Variants in SLC4A9 observed in about 807,000 individuals in gnomAD.
SLC4A9 encodes the protein anion exchange protein 4.
Under a neutral mutation model 103.2 loss-of-function variants are expected in SLC4A9, and 102 were observed. That is an observed-to-expected ratio of 0.99 (90% CI 0.84 to 1.17). The LOEUF (loss-of-function observed/expected upper bound fraction) is 1.17, where lower values mean the gene tolerates loss of function less well. SLC4A9 is among the 50% of genes most tolerant of loss of function. SLC4A9 has a pLI of 0.00. For synonymous variants in SLC4A9, 453 were observed against 483.6 expected (o/e 0.94, Z 0.83); for missense variants, 1,091 against 1,193.7 (o/e 0.91, Z 1.27).
intron 21 of SLC4A9, among the ~76,000 whole-genome samples, chr5:140,373,485 C>T (rs1487295198): frequency 1.3e-5 from 2 of 152,066 alleles, no homozygotes; most frequent in Non-Finnish European, 2.9e-5. Flanking sequence ...GGGAGCAGGG[C>T]TTCTGACCTC....
chr5:140,361,826 AG>A lies in SLC4A9; in HGVS notation c.526del (p.Ala176LeufsTer9), dbSNP rs1350853910. On this transcript the variant is annotated frameshift_variant, in exon 4 of 22. Coordinates refer to ENST00000506757, the MANE Select transcript of SLC4A9 (RefSeq NM_031467.3). LOFTEE classifies it high-confidence loss of function. ...TTTGTAGGCTCTACTCATCCAAGAA[AG>A]GCTTCTGACAATGAGGAAGCCCCCC... Reference protein sequence around the residue: ...RPCWGSTHPRKASDNEEAPLR... With the variant: ...RPCWGSTHPRXASDNEEAPLR... 47 of 1,613,884 alleles carry A rather than the reference AG, an allele frequency of 2.9e-5. No individual in the cohort carries two copies. Among genetic ancestry groups the A allele is most frequent in the African/African-American group, 6.7e-5 (5 of 74,924 alleles).
chr5:140,368,105 A>G (rs1360208945), intron 16 of SLC4A9, among the ~76,000 whole-genome samples: 1 of 152,148 alleles, frequency 6.6e-6, no homozygotes, highest in Admixed American at 6.5e-5. Context: ...GAGGGGCCTC[A>G]AGAGGATTAT....
rs749654968 is a variant in SLC4A9, at chr5:140,367,581, G to A, written c.2175G>A (p.Gln725=). The A allele has an allele frequency of 7.5e-6, 12 of 1,602,032 alleles. No individual in the cohort carries two copies. Among genetic ancestry groups the A allele is most frequent in the Non-Finnish European group, 9.4e-6 (11 of 1,174,470 alleles). Reference sequence around the variant, plus strand: ...TCAACCGCATGGAATACAGACTGCAGGTAAGGCCTGCTGGGTAAGGCCCAA... The same window carrying A: ...TCAACCGCATGGAATACAGACTGCAAGTAAGGCCTGCTGGGTAAGGCCCAA... The part of the protein sequence containing the change: ...VILNRMEYRL[Q]KGAGFHLDLF... Residue 725 remains glutamine (Q), a splice_region_variant and synonymous_variant, in exon 15 of 22, where the codon CAG becomes CAA. Transcript: ENST00000506757.
At position 140,367,466 on chromosome 5, in the gene SLC4A9, A is replaced by C. The variant is rs1285826227; in HGVS notation, c.2060A>C (p.Asn687Thr). 29 of 1,609,158 alleles carry C rather than the reference A, an allele frequency of 1.8e-5. No homozygotes were observed. Among genetic ancestry groups the C allele is most frequent in the Non-Finnish European group, 2.4e-5 (28 of 1,178,224 alleles). The change falls in exon 15 of 22, where the codon AAC becomes ACC. Residue 687 changes from asparagine (N) to threonine (T), a missense_variant. By Grantham distance (65) the Asn-to-Thr change is moderately conservative (BLOSUM62 0). Transcript: ENST00000506757. ...RGWLVSPFGA[N>T]PWWWSVAAAL... Reference sequence around the variant, plus strand: ...TGGCTGGTGTCACCTTTTGGAGCCAACCCCTGGTGGTGGAGTGTGGCAGCT... The same window carrying C: ...TGGCTGGTGTCACCTTTTGGAGCCACCCCCTGGTGGTGGAGTGTGGCAGCT...
intron 16 of SLC4A9, 23 bp downstream of exon 16, chr5:140,367,921 G>T (rs750697419): frequency 1.2e-6 from 2 of 1,612,290 alleles, no homozygotes; most frequent in Non-Finnish European, 1.7e-6. Flanking sequence ...TTTAGGAAGT[G>T]GAGTAAGAGG....
At chr5:140,369,783 CTTGAG>C (rs1768428036) in intron 17 of SLC4A9, among the ~76,000 whole-genome samples, 4 of 151,852 alleles carry the variant, frequency 2.6e-5, no homozygotes, top group Admixed American at 2.6e-4. Flanking sequence ...GGGCGGATTG[CTTGAG>C]CTCAGGAGTT....
chr5:140,363,165 G>T lies in SLC4A9; in HGVS notation c.962+99G>T. ...GGTGGTGTCCCAGGAAAGAGATAGG[G>T]ACCTATCTTTGGATTTGGAGTCAGG... On this transcript the variant is annotated intron_variant, in intron 7 of 21. Transcript: ENST00000506757. This position sits in a 1 kb window ranked among gnomAD's most constrained non-coding sequence, Gnocchi z 4.5. 3 of 1,452,482 alleles carry T rather than the reference G, an allele frequency of 2.1e-6. No homozygotes were observed. The highest frequency in any genetic ancestry group is 2.8e-6 in the Non-Finnish European group (3 of 1,076,090). The allele number at this position is 1,452,482 out of a possible 1,614,324, so 90.0% of individuals were successfully genotyped here. A position where few individuals can be genotyped will look rare whatever the true frequency, so the allele number is the denominator to read the frequency against.
Position 140,361,253 on chromosome 5 carries a change from G to A in SLC4A9, c.392-1G>A. ...GAGATGACCCCCAATCCATTCTCCA[G>A]AGCAGGTGACCAGGGTGGAGTCGCT... On this transcript the variant is annotated splice_acceptor_variant, in intron 2 of 21. Coordinates refer to ENST00000506757, the MANE Select transcript of SLC4A9 (RefSeq NM_031467.3). LOFTEE classifies it high-confidence loss of function. 2 of 1,560,800 alleles carry A rather than the reference G, an allele frequency of 1.3e-6. No homozygotes were observed. Among genetic ancestry groups the A allele is most frequent in the African/African-American group, 2.7e-5 (2 of 73,630 alleles).
Position 140,360,930 on chromosome 5 carries a change from G to T in SLC4A9, c.349G>T (p.Val117Leu), listed in dbSNP as rs1209343375. ...CCGCAGCCTGCTGGCCGAGGGCCTT[G>T]TACTGCTGGACTGCCCAGCTCAGAG... ...KLRSLLAEGLVLLDCPAQSLL... is the reference protein window; with the variant it reads ...KLRSLLAEGLLLLDCPAQSLL... Residue 117 changes from valine (V) to leucine (L), a missense_variant, in exon 2 of 22, where the codon GTA becomes TTA. Physicochemically the swap from Val to Leu is conservative, Grantham distance 32. Transcript: ENST00000506757. 1.3e-6 allele frequency: 2 copies of T among 1,599,888 alleles called. No homozygotes were observed. The highest frequency in any genetic ancestry group is 1.7e-5 in the Admixed American group (1 of 57,886).
At chr5:140,368,686 A>C in intron 17 of SLC4A9, 27 bp downstream of exon 17, 1 of 1,599,794 alleles carries the variant, frequency 6.3e-7, no homozygotes, top group East Asian at 2.2e-5. Context: ...AGCCAGGATC[A>C]GGGTCAGTGT....
chr5:140,369,294 A>C (rs1180413220), intron 17 of SLC4A9, among the ~76,000 whole-genome samples: 1 of 150,304 alleles, frequency 6.7e-6, no homozygotes, highest in African/African-American at 2.4e-5. Flanking sequence ...AAAAAAAAAC[A>C]AAAAAAAACC....
chr5:140,361,013 G>A (rs1196601817), intron 2 of SLC4A9, 41 bp downstream of exon 2: 1 of 1,499,340 alleles, frequency 6.7e-7, no homozygotes. Flanking sequence ...GGGTAGCCAT[G>A]CCTTTTCCCC....
In SLC4A9 at chr5:140,360,467, G is replaced by T. The variant is rs767213125; in HGVS notation, c.230+1G>T. ...CGCTGGAGTGGAGAGAGACAGGCAG[G>T]TAAGTTGGATGCAGGCCAGTTCTGT... is the stretch of plus-strand genomic sequence containing the variant. On this transcript the variant is annotated splice_donor_variant, in intron 1 of 21. Coordinates refer to ENST00000506757, the MANE Select transcript of SLC4A9 (RefSeq NM_031467.3). LOFTEE classifies it high-confidence loss of function. 2 of 1,568,662 alleles carry T rather than the reference G, an allele frequency of 1.3e-6. No individual in the cohort carries two copies. Among genetic ancestry groups the T allele is most frequent in the East Asian group, 2.4e-5 (1 of 42,294 alleles).
At position 140,372,710 on chromosome 5, in the gene SLC4A9, TATTCTCAATCCATCTTGGG is replaced by T. The variant is rs1768900768; in HGVS notation, c.2827-32_2827-14del. On this transcript the variant is annotated splice_polypyrimidine_tract_variant and intron_variant, in intron 20 of 21. Coordinates refer to ENST00000506757, the MANE Select transcript of SLC4A9 (RefSeq NM_031467.3). ...GTCTTTCACTATCTGTCTTTCTATC[TATTCTCAATCCATCTTGGG>T]ATCTGTCTTCCACAGTCAGAGCTGA... 6.6e-7 allele frequency: 1 copy of T among 1,520,194 alleles called. No homozygotes were observed. Among genetic ancestry groups the T allele is most frequent in the South Asian group, 1.3e-5 (1 of 78,888 alleles). The allele number at this position is 1,520,194 out of a possible 1,614,324, so 94.2% of individuals were successfully genotyped here.
intron 16 of SLC4A9, among the ~76,000 whole-genome samples, 191 bp downstream of exon 16, chr5:140,368,089 G>C (rs1437610333): frequency 2.0e-5 from 3 of 152,170 alleles, no homozygotes; most frequent in Non-Finnish European, 2.9e-5. Flanking sequence ...CAGCCATGGG[G>C]ACTGGGAGGG....
Position 140,364,429 on chromosome 5 carries a change from G to C in SLC4A9, c.1455G>C (p.Leu485=), listed in dbSNP as rs781319996. ...WVGIWVATFC[L]VLVATEASVL... ...GCATCTGGGTGGCTACCTTTTGCCTGGTGCTGGTGGCCACAGAGGCCAGTG... is the reference window on the plus strand; with the variant it reads ...GCATCTGGGTGGCTACCTTTTGCCTCGTGCTGGTGGCCACAGAGGCCAGTG... Residue 485 remains leucine (L), a synonymous_variant, in exon 11 of 22, where the codon CTG becomes CTC. Transcript: ENST00000506757. 12 of 1,613,672 alleles carry C rather than the reference G, an allele frequency of 7.4e-6. No individual in the cohort carries two copies. Among genetic ancestry groups the C allele is most frequent in the Non-Finnish European group, 9.3e-6 (11 of 1,179,778 alleles).
chr5:140,369,339 G>A (rs1437056355), intron 17 of SLC4A9, among the ~76,000 whole-genome samples: 1 of 151,570 alleles, frequency 6.6e-6, no homozygotes, highest in Non-Finnish European at 1.5e-5. Context: ...GAGGCAAAAA[G>A]CCTTCACTTC....
chr5:140,372,705 C>A, intron 20 of SLC4A9, 40 bp from the exon 21 acceptor site: 1 of 1,507,198 alleles, frequency 6.6e-7, no homozygotes, highest in Non-Finnish European at 8.9e-7. Flanking sequence ...ATCTGTCTTT[C>A]TATCTATTCT....
rs189511213 is a variant in SLC4A9 at position 140,366,047 on chromosome 5, G to A, written c.1899+25G>A. On this transcript the variant is annotated intron_variant, in intron 13 of 21. Transcript: ENST00000506757. ...GGTGAGTTTCACCTTTCTTTCTGTGGGAGAGGCCTGACTCTAAGCTTTGGG... is the reference window on the plus strand; with the variant it reads ...GGTGAGTTTCACCTTTCTTTCTGTGAGAGAGGCCTGACTCTAAGCTTTGGG... 6 of 1,613,188 alleles carry A rather than the reference G, an allele frequency of 3.7e-6. No homozygotes were observed. The African/African-American group carries it at 8.0e-5, about 22-fold the overall frequency.
Sources: allele counts gnomAD v4.1 joint callset (sites outside exome capture counted in the v4.1 genomes callset), GRCh38; gene constraint gnomAD v4.1.1; non-coding constraint Gnocchi (gnomAD v3.1); transcripts MANE v1.5; gene names NCBI Gene and HGNC (gene_info 2026-07-23, HGNC 2026-07-21).